The following SMG1 variants were observed in gnomAD, a reference collection of about 807,000 sequenced individuals.
The protein encoded by SMG1 is SMG1 nonsense mediated mRNA decay associated PI3K related kinase.
A neutral mutation model predicts 419.9 loss-of-function variants in SMG1; 22 were observed. That is an observed-to-expected ratio of 0.05 (90% CI 0.04 to 0.07). SMG1 has a LOEUF of 0.07. SMG1 is among the 10% of genes least tolerant of loss of function. SMG1 has a pLI of 1.00. For synonymous variants in SMG1, 1,538 were observed against 1,553.5 expected, an observed-to-expected ratio of 0.99 and a Z score of 0.23; for missense variants, 3,185 against 4,342.0, an observed-to-expected ratio of 0.73 and a Z score of 7.49.
rs975485749 is a variant in SMG1 at position 18,850,252 on chromosome 16, T to G, written c.5268A>C (p.Lys1756Asn). ...TGCTACATACTTGACCAGCGTTGAG[T>G]TTAAGGAAAGTAAAGTATGCACTGC... ...LSCSAYFTFL[K>N]LNAGQIPLDE... The change falls in exon 34 of 63, where the codon AAA (lysine) becomes AAC (asparagine). Residue 1756 changes from lysine to asparagine, a missense_variant. Around this residue, in one of 27 missense-constraint regions of SMG1, gnomAD observed 493 missense variants for 552.9 expected, o/e 0.89. Transcript: ENST00000446231. 3 of 1,610,582 alleles carry G rather than the reference T, an allele frequency of 1.9e-6. No individual in the cohort carries two copies. In the African/African-American group the frequency reaches 4.0e-5, roughly 22 times the overall value.
chr16:18,925,902 G>A (rs1368014430), intron 1 of SMG1, 48 bp downstream of exon 1: 3 of 1,434,248 alleles, frequency 2.1e-6, no homozygotes, highest in Non-Finnish European at 1.9e-6. Flanking sequence ...CGGCCCGCCC[G>A]AGGCGGAGCC....
At position 18,925,954 on chromosome 16, in the gene SMG1, G is replaced by A; in HGVS notation, c.88C>T (p.Pro30Ser). ...KYPRSWNDWQ[P>S]RTDSASADPD... The stretch of plus-strand genomic sequence containing the variant: ...GGTCCCGGGCCGGTCACCCACCTGG[G>A]TTGCCAGTCATTCCAGCTCCGCGGA... Residue 30 changes from proline to serine, a missense_variant, in exon 1 of 63, where the codon CCC becomes TCC. Pro to Ser is a moderately conservative substitution (Grantham distance 74). Coordinates refer to ENST00000446231, the MANE Select transcript of SMG1 (RefSeq NM_015092.5). 1 of 1,561,162 alleles carries A rather than the reference G, an allele frequency of 6.4e-7. No homozygotes were observed. The highest frequency in any genetic ancestry group is 2.3e-4 in the Middle Eastern group (1 of 4,368).
chr16:18,907,367 TA>T (rs2037604962), intron 1 of SMG1, among the ~76,000 whole-genome samples: 2 of 152,172 alleles, frequency 1.3e-5, no homozygotes, highest in African/African-American at 2.4e-5. Context: ...TTTATTTATT[TA>T]TTTTTTAATT....
At chr16:18,840,057 C>G in intron 41 of SMG1, 111 bp from the exon 42 acceptor site, 1 of 795,966 alleles carries the variant, frequency 1.3e-6, no homozygotes, top group Non-Finnish European at 2.0e-6. Context: ...CAGTAGCATT[C>G]TCTCATTACT....
In SMG1 at chr16:18,876,125, C is replaced by G. The variant is rs747038617; in HGVS notation, c.1889G>C (p.Gly630Ala). 3.7e-6 allele frequency: 6 copies of G among 1,611,264 alleles called. No individual in the cohort carries two copies. Among genetic ancestry groups the G allele is most frequent in the Non-Finnish European group, 5.1e-6 (6 of 1,179,384 alleles). ...TIGNAKNSLIGMWALSPTVFA... is the reference protein window; with the variant it reads ...TIGNAKNSLIAMWALSPTVFA... ...AAGTCATTACAATTAAAGACTCACCCCTATTAGTGAGTTTTTGGCATTTCC... is the reference window on the plus strand; with the variant it reads ...AAGTCATTACAATTAAAGACTCACCGCTATTAGTGAGTTTTTGGCATTTCC... The change falls in exon 13 of 63, where the codon GGG (glycine) becomes GCG (alanine). Residue 630 changes from glycine to alanine, a missense_variant and splice_region_variant. Coordinates refer to ENST00000446231, the MANE Select transcript of SMG1 (RefSeq NM_015092.5).
intron 42 of SMG1, 62 bp downstream of exon 42, chr16:18,839,636 G>A: frequency 6.3e-7 from 1 of 1,591,142 alleles, no homozygotes; most frequent in Non-Finnish European, 8.6e-7. Context: ...AACAAGATAG[G>A]CAAGAAGGTA....
chr16:18,839,988 T>G (rs1487452257), intron 41 of SMG1, 42 bp from the exon 42 acceptor site: 1 of 1,466,230 alleles, frequency 6.8e-7, no homozygotes, highest in East Asian at 2.5e-5. Context: ...AAGATCAATT[T>G]TATATAAGGA....
At chr16:18,852,607 G>A (rs1404989271) in intron 31 of SMG1, 145 bp from the exon 32 acceptor site, 1 of 623,748 alleles carries the variant, frequency 1.6e-6, no homozygotes, top group African/African-American at 1.9e-5. Flanking sequence ...CATAACTTGA[G>A]AAGGCACAAA....
At chr16:18,819,415 T>TC in intron 56 of SMG1, 87 bp downstream of exon 56, 1 of 1,438,780 alleles carries the variant, frequency 7.0e-7, no homozygotes, top group South Asian at 1.3e-5. Context: ...GCTCTCAAGC[T>TC]CCCCTAGTTA....
chr16:18,869,064 G>A, intron 20 of SMG1, 40 bp downstream of exon 20: 1 of 1,499,800 alleles, frequency 6.7e-7, no homozygotes, highest in Non-Finnish European at 9.3e-7. Context: ...TCTTAATAAG[G>A]CTTTGAAAGT....
intron 39 of SMG1, among the ~76,000 whole-genome samples, chr16:18,843,147 C>T (rs187696445): frequency 2.0e-5 from 3 of 152,326 alleles, no homozygotes; most frequent in East Asian, 1.9e-4. Flanking sequence ...GTACAGCTAG[C>T]AGTCGGCTGT....
At chr16:18,850,564 TAA>T in intron 33 of SMG1, 97 bp from the exon 34 acceptor site, 1 of 741,102 alleles carries the variant, frequency 1.3e-6, no homozygotes, top group Non-Finnish European at 2.2e-6. Context: ...TTCTCATATA[TAA>T]AAGATAAAAT....
intron 10 of SMG1, among the ~76,000 whole-genome samples, chr16:18,881,807 G>A (rs2036410309): frequency 6.6e-6 from 1 of 152,082 alleles, no homozygotes; most frequent in Admixed American, 6.6e-5. Context: ...ACTTTCTGAG[G>A]CTTTTCCTAT....
At chr16:18,812,170 A>G in intron 60 of SMG1, 43 bp from the exon 61 acceptor site, 1 of 1,581,722 alleles carries the variant, frequency 6.3e-7, no homozygotes, top group Non-Finnish European at 8.6e-7. Context: ...TGTAAACAGA[A>G]CATGGAGGGG....
chr16:18,842,614 C>CA (rs1418277737), intron 39 of SMG1, among the ~76,000 whole-genome samples, 160 bp from the exon 40 acceptor site: 1 of 152,118 alleles, frequency 6.6e-6, no homozygotes, highest in Non-Finnish European at 1.5e-5. Flanking sequence ...CACTTGAGTT[C>CA]AGAAGTTCAA....
chr16:18,812,844 G>C (rs115377158), intron 60 of SMG1, among the ~76,000 whole-genome samples: 1 of 151,774 alleles, frequency 6.6e-6, no homozygotes, highest in Non-Finnish European at 1.5e-5. Context: ...AACAAGCCCC[G>C]GTGTGAGATG....
intron 49 of SMG1, among the ~76,000 whole-genome samples, 153 bp from the exon 50 acceptor site, chr16:18,834,591 A>G (rs2033433097): frequency 6.6e-6 from 1 of 152,236 alleles, no homozygotes. Context: ...AGCCTGATCA[A>G]TATGGCAAAA....
In SMG1 at chr16:18,815,165, C is replaced by G. The variant is rs1354595107; in HGVS notation, c.10621+10G>C. 1.3e-6 allele frequency: 2 copies of G among 1,550,670 alleles called. No homozygotes were observed. Among genetic ancestry groups the G allele is most frequent in the East Asian group, 2.3e-5 (1 of 42,862 alleles). ...TAACAACAGATCAAGACTCAGGACT[C>G]TTCTCCTACCTGCAGCGAAGGATGG... On this transcript the variant is annotated intron_variant, in intron 60 of 62. Transcript: ENST00000446231.
chr16:18,833,876 G>A (rs748126774), intron 50 of SMG1, among the ~76,000 whole-genome samples: 1 of 152,162 alleles, frequency 6.6e-6, no homozygotes, highest in Admixed American at 6.5e-5. Flanking sequence ...AGTCATACAT[G>A]TGGCTGTATG....
Sources: gnomAD v4.1 joint callset for allele counts (sites outside exome capture counted in the v4.1 genomes callset) on GRCh38, gnomAD v4.1.1 for gene constraint, gnomAD v4.1.1 regional missense constraint, MANE v1.5 for transcripts, NCBI Gene and HGNC (gene_info 2026-07-23, HGNC 2026-07-21) for gene names.